Variants in IQCM observed in about 807,000 individuals in gnomAD.
IQCM encodes IQ motif containing M, also known as IQ domain-containing protein M.
In IQCM, 45 loss-of-function variants were observed where a neutral mutation model predicts 57.6. The ratio of observed to expected loss-of-function variants is 0.78; its 90% confidence interval spans 0.62 to 1.00. The LOEUF is 1.00. IQCM is among the 50% of genes least tolerant of loss of function. The pLI, the probability that IQCM is intolerant of heterozygous loss-of-function variation, is 0.00. For missense variants in IQCM, 468 were observed against 511.6 expected, an observed-to-expected ratio of 0.91 and a Z score of 0.82; for synonymous variants, 148 against 158.9, an observed-to-expected ratio of 0.93 and a Z score of 0.51.
intron 7 of IQCM, among the ~76,000 whole-genome samples, chr4:149,633,131 G>A (rs999558788): frequency 3.2e-5 from 4 of 125,480 alleles, no homozygotes; most frequent in South Asian, 2.6e-4. Context: ...ACTGCAGTCC[G>A]CAGTCCAGCC....
chr4:149,619,817 G>A (rs894893939), intron 8 of IQCM, among the ~76,000 whole-genome samples: 1 of 152,124 alleles, frequency 6.6e-6, no homozygotes, highest in African/African-American at 2.4e-5. Context: ...GGTCATAAGG[G>A]TAGGGTCCTA....
intron 5 of IQCM, among the ~76,000 whole-genome samples, chr4:149,695,114 G>T (rs141638066): frequency 6.6e-6 from 1 of 152,274 alleles, no homozygotes; most frequent in Non-Finnish European, 1.5e-5. Context: ...GGAATTTCAA[G>T]CACATGTGTG....
At chr4:149,544,783 A>C in intron 12 of IQCM, among the ~76,000 whole-genome samples, 1 of 152,204 alleles carries the variant, frequency 6.6e-6, no homozygotes, top group East Asian at 1.9e-4. Flanking sequence ...TGACAAGAAT[A>C]CGCAATAGGG....
intron 13 of IQCM, among the ~76,000 whole-genome samples, chr4:149,424,111 G>A (rs1267824130): frequency 6.6e-6 from 1 of 151,774 alleles, no homozygotes. Context: ...TGGGGAATAA[G>A]GATAAATAAG....
intron 13 of IQCM, among the ~76,000 whole-genome samples, chr4:149,381,792 G>A (rs1448551184): frequency 6.6e-6 from 1 of 151,944 alleles, no homozygotes; most frequent in Non-Finnish European, 1.5e-5. Context: ...GAGTTTGGAT[G>A]GAGTTTAGAT....
At chr4:149,420,263 C>A (rs1165172736) in intron 13 of IQCM, among the ~76,000 whole-genome samples, 1 of 151,992 alleles carries the variant, frequency 6.6e-6, no homozygotes, top group East Asian at 1.9e-4. Context: ...CAATGATAGA[C>A]TAGATAAAGA....
intron 13 of IQCM, chr4:149,429,842 C>CT: frequency 2.4e-6 from 1 of 411,732 alleles, no homozygotes; most frequent in Non-Finnish European, 4.1e-6. Context: ...AGATTCAAGG[C>CT]TCTGGTAACT....
At chr4:149,391,083 C>T (rs1001153275) in intron 13 of IQCM, among the ~76,000 whole-genome samples, 1 of 151,830 alleles carries the variant, frequency 6.6e-6, no homozygotes, top group Non-Finnish European at 1.5e-5. Context: ...ATTAATTCTT[C>T]TTTAAATGTC....
chr4:149,516,050 G>A (rs1744928826), intron 12 of IQCM, among the ~76,000 whole-genome samples: 1 of 152,196 alleles, frequency 6.6e-6, no homozygotes, highest in African/African-American at 2.4e-5. Context: ...AGCAGGGATG[G>A]AGGTTATGCA....
chr4:149,450,355 G>A (rs942286549), intron 12 of IQCM, among the ~76,000 whole-genome samples: 2 of 151,702 alleles, frequency 1.3e-5, no homozygotes, highest in African/African-American at 2.4e-5. Flanking sequence ...AGCAAAAATT[G>A]ACAAATGGAA....
chr4:149,569,417 T>C (rs1750945094), intron 9 of IQCM, among the ~76,000 whole-genome samples: 1 of 152,084 alleles, frequency 6.6e-6, no homozygotes, highest in South Asian at 2.1e-4. Flanking sequence ...TAGTTCAAGG[T>C]GATCAATGAC....
chr4:149,696,130 T>G (rs886855213), intron 5 of IQCM, among the ~76,000 whole-genome samples: 33 of 152,232 alleles, frequency 2.2e-4, no homozygotes, highest in African/African-American at 7.7e-4. Context: ...CTCACCCCAT[T>G]TTTTCGTCGC....
intron 12 of IQCM, among the ~76,000 whole-genome samples, chr4:149,451,759 C>G (rs1461948408): frequency 6.6e-6 from 1 of 151,700 alleles, no homozygotes; most frequent in Non-Finnish European, 1.5e-5. Flanking sequence ...TAAAGGACAT[C>G]TATAAAAAAC....
intron 13 of IQCM, among the ~76,000 whole-genome samples, chr4:149,360,141 C>G (rs1023053745): frequency 1.3e-5 from 2 of 152,038 alleles, no homozygotes; most frequent in Non-Finnish European, 2.9e-5. Context: ...AAGCAAAATA[C>G]AGTTCTAGAT....
At chr4:149,373,035 A>C (rs1408859373) in intron 13 of IQCM, among the ~76,000 whole-genome samples, 1 of 152,204 alleles carries the variant, frequency 6.6e-6, no homozygotes, top group Non-Finnish European at 1.5e-5. Context: ...AACTGCAAAA[A>C]TAAAGACCTT....
intron 10 of IQCM, among the ~76,000 whole-genome samples, chr4:149,556,829 G>A (rs1749633130): frequency 6.6e-6 from 1 of 152,092 alleles, no homozygotes; most frequent in Non-Finnish European, 1.5e-5. Context: ...TCTCTCCTAG[G>A]TTTGGTTCCT....
At chr4:149,679,883 A>C (rs903138197) in intron 7 of IQCM, among the ~76,000 whole-genome samples, 1 of 151,436 alleles carries the variant, frequency 6.6e-6, no homozygotes, top group African/African-American at 2.4e-5. Context: ...TAGCCTTAAC[A>C]TGAACAAAAA....
intron 13 of IQCM, among the ~76,000 whole-genome samples, chr4:149,368,934 G>GTA (rs552846699): frequency 4.7e-5 from 3 of 63,738 alleles, no homozygotes; most frequent in African/African-American, 1.2e-4. Context: ...ATATACACGT[G>GTA]TATATATATG....
At chr4:149,787,926 TTGTC>T (rs1334755053) in intron 2 of IQCM, among the ~76,000 whole-genome samples, 52 of 152,136 alleles carry the variant, frequency 3.4e-4, no homozygotes, top group African/African-American at 1.3e-3. Flanking sequence ...TGCACACTAT[TTGTC>T]TGACAAAATA....
Sources: allele counts gnomAD v4.1 joint callset (sites outside exome capture counted in the v4.1 genomes callset), GRCh38; gene constraint gnomAD v4.1.1; transcripts MANE v1.5; gene names NCBI Gene and HGNC (gene_info 2026-07-23, HGNC 2026-07-21).